The following CHL1 variants were observed in gnomAD, a reference collection of about 807,000 sequenced individuals.
CHL1 encodes neural cell adhesion molecule L1-like protein.
Under a neutral mutation model 141.9 loss-of-function variants are expected in CHL1, and 96 were observed. That is an observed-to-expected ratio of 0.68 (90% confidence interval 0.57 to 0.80). The LOEUF is 0.80. CHL1 is among the 30% of genes least tolerant of loss of function. The probability of loss-of-function intolerance (pLI) is 0.00; values close to 1 mark genes in which losing one functional copy is unlikely to be tolerated. For synonymous variants in CHL1, 613 were observed against 502.2 expected (o/e 1.22, Z -2.95); for missense variants, 1,820 against 1,457.2 (o/e 1.25, Z -4.05).
chr3:353,308 T>A (rs1459801373), intron 10 of CHL1, among the ~76,000 whole-genome samples: 1 of 152,216 alleles, frequency 6.6e-6, no homozygotes, highest in Non-Finnish European at 1.5e-5. Context: ...TATTTTTCTC[T>A]AACTTACAGA....
At chr3:241,872 ATAAG>A (rs72352263) in intron 1 of CHL1, among the ~76,000 whole-genome samples, 73,769 of 151,770 alleles carry the variant, frequency 0.49, 18,889 homozygotes, top group Non-Finnish European at 0.56. Flanking sequence ...ATAACAGAGA[ATAAG>A]TAAGACGTTA....
intron 2 of CHL1, among the ~76,000 whole-genome samples, chr3:259,098 T>C (rs1199891941): frequency 2.0e-5 from 3 of 151,750 alleles, no homozygotes; most frequent in African/African-American, 7.3e-5. Context: ...CATGCATGTC[T>C]TTTTTTTAGA....
At chr3:328,736 C>T (rs897297040) in intron 5 of CHL1, among the ~76,000 whole-genome samples, 2 of 152,162 alleles carry the variant, frequency 1.3e-5, no homozygotes, top group Admixed American at 6.5e-5. Context: ...GGCCTGGCAA[C>T]TCTTTCATGC....
chr3:253,058 T>C (rs1041451541), intron 2 of CHL1, among the ~76,000 whole-genome samples: 1 of 152,168 alleles, frequency 6.6e-6, no homozygotes, highest in Non-Finnish European at 1.5e-5. Flanking sequence ...TACTTACTAG[T>C]AATGTGTGCT....
intron 2 of CHL1, among the ~76,000 whole-genome samples, chr3:308,274 A>G (rs1160932896): frequency 3.9e-5 from 6 of 152,200 alleles, no homozygotes; most frequent in Non-Finnish European, 1.5e-5. Flanking sequence ...AGGATTTATT[A>G]TGTGTATTTC....
chr3:287,126 T>C (rs986630921), intron 2 of CHL1, among the ~76,000 whole-genome samples: 1 of 152,134 alleles, frequency 6.6e-6, no homozygotes, highest in Non-Finnish European at 1.5e-5. Flanking sequence ...CAAGATGGAG[T>C]TGCTCTGGTT....
chr3:322,187 T>C (rs1393919438), intron 3 of CHL1, among the ~76,000 whole-genome samples: 3 of 151,986 alleles, frequency 2.0e-5, no homozygotes, highest in African/African-American at 7.2e-5. Context: ...TGAATGAAAA[T>C]ACAGACATTT....
chr3:340,699 T>A, intron 5 of CHL1, 95 bp from the exon 6 acceptor site: 1 of 1,028,118 alleles, frequency 9.7e-7, no homozygotes, highest in African/African-American at 1.6e-5. Flanking sequence ...TTATTTAAAT[T>A]GCTGAATTTT....
intron 2 of CHL1, among the ~76,000 whole-genome samples, chr3:257,461 C>T (rs1333540518): frequency 6.6e-6 from 1 of 151,466 alleles, no homozygotes; most frequent in Non-Finnish European, 1.5e-5. Context: ...TCAAGCAATT[C>T]CCCTGCCTCA....
At chr3:256,312 G>A (rs759260301) in intron 2 of CHL1, among the ~76,000 whole-genome samples, 9 of 152,150 alleles carry the variant, frequency 5.9e-5, no homozygotes, top group South Asian at 2.1e-4. Flanking sequence ...TTTACTTATA[G>A]CATGGTAAAG....
At position 220,289 on chromosome 3, in the gene CHL1, C is replaced by T. The variant is rs1042977770; in HGVS notation, c.-175+23226C>T. Among the ~76,000 whole-genome samples, 8 of 152,110 alleles carry T rather than the reference C, an allele frequency of 5.3e-5. No homozygotes were observed. The South Asian group carries it at 1.7e-3, about 32-fold the overall frequency. On this transcript the variant is annotated intron_variant, in intron 1 of 27. Transcript: ENST00000256509. ...GTTATTGTGATGTATGTAAATTAAACCTTCAATGATCTGATTTTAAACATT... is the reference window on the plus strand; with the variant it reads ...GTTATTGTGATGTATGTAAATTAAATCTTCAATGATCTGATTTTAAACATT...
At chr3:211,578 C>A (rs969810877) in intron 1 of CHL1, among the ~76,000 whole-genome samples, 1 of 152,128 alleles carries the variant, frequency 6.6e-6, no homozygotes, top group African/African-American at 2.4e-5. Context: ...TTTTTCTCTC[C>A]ACGCTTAGGA....
intron 1 of CHL1, among the ~76,000 whole-genome samples, chr3:212,183 G>A (rs755812910): frequency 4.6e-5 from 7 of 151,818 alleles, no homozygotes; most frequent in Non-Finnish European, 1.0e-4. Flanking sequence ...ATAAACTGAG[G>A]TTTCTACAAC....
intron 2 of CHL1, among the ~76,000 whole-genome samples, chr3:255,008 T>C (rs1233451405): frequency 6.6e-6 from 1 of 152,190 alleles, no homozygotes; most frequent in Non-Finnish European, 1.5e-5. Flanking sequence ...GATACCAGGA[T>C]TTGCCTATCT....
chr3:402,341 A>G (rs62227278), intron 27 of CHL1, among the ~76,000 whole-genome samples: 9,786 of 152,280 alleles, frequency 0.064, 420 homozygotes, highest in Non-Finnish European at 0.084. Flanking sequence ...AGGAATGGCA[A>G]GAAGTCTACT....
intron 2 of CHL1, among the ~76,000 whole-genome samples, chr3:304,949 C>T (rs946379420): frequency 6.6e-6 from 1 of 151,960 alleles, no homozygotes; most frequent in Non-Finnish European, 1.5e-5. Context: ...TTGGTGGGAG[C>T]TTTTATTTTA....
chr3:349,687 C>T (rs1370106471), intron 10 of CHL1, 144 bp downstream of exon 10: 6 of 679,618 alleles, frequency 8.8e-6, no homozygotes, highest in East Asian at 2.6e-5. Flanking sequence ...AATTATATTA[C>T]ACTTCAACTA....
intron 2 of CHL1, among the ~76,000 whole-genome samples, chr3:295,839 G>C (rs897166790): frequency 6.6e-6 from 1 of 152,202 alleles, no homozygotes; most frequent in Non-Finnish European, 1.5e-5. Context: ...CCAGTGAGCA[G>C]GGTTGCTCCG....
At chr3:239,600 A>G (rs536967876) in intron 1 of CHL1, among the ~76,000 whole-genome samples, 1 of 136,468 alleles carries the variant, frequency 7.3e-6, no homozygotes, top group Non-Finnish European at 1.6e-5. Context: ...TATATAAAAT[A>G]TATATATTTT....
Sources: gnomAD v4.1 joint callset for allele counts (sites outside exome capture counted in the v4.1 genomes callset) on GRCh38, gnomAD v4.1.1 for gene constraint, MANE v1.5 for transcripts, NCBI Gene and HGNC (gene_info 2026-07-23, HGNC 2026-07-21) for gene names.